MRC1: variants seen among roughly 807,000 people sequenced by gnomAD.
The protein encoded by MRC1 is macrophage mannose receptor 1.
In MRC1, 62 loss-of-function variants were observed where a neutral mutation model predicts 102.9. The observed-to-expected ratio is 0.60, with a 90% CI of 0.49 to 0.74. The LOEUF (loss-of-function observed/expected upper bound fraction) is 0.74, where lower values mean the gene tolerates loss of function less well. MRC1 is among the 30% of genes least tolerant of loss of function. The probability of loss-of-function intolerance (pLI) is 0.00; values close to 1 mark genes in which losing one functional copy is unlikely to be tolerated. For synonymous variants in MRC1, 457 were observed against 298.4 expected (o/e 1.53, Z -5.48); for missense variants, 1,237 against 862.8 (o/e 1.43, Z -5.43).
Position 17,889,179 on chromosome 10 carries a change from T to A in MRC1, c.3147+3744T>A, listed in dbSNP as rs1170526531. 2.6e-5 allele frequency among the ~76,000 whole-genome samples: 4 copies of A among 152,362 alleles called. No individual in the cohort carries two copies. In the East Asian group the frequency reaches 7.7e-4, roughly 29 times the overall value. ...TATCTTTATATTTAAAGTGAATTTCTTATACCAATATCTGAGTCTTTGTCT... is the reference window on the plus strand; with the variant it reads ...TATCTTTATATTTAAAGTGAATTTCATATACCAATATCTGAGTCTTTGTCT... On this transcript the variant is annotated intron_variant, in intron 22 of 29. Transcript: ENST00000569591.
chr10:17,811,864 A>T (rs1028242197), intron 1 of MRC1, among the ~76,000 whole-genome samples: 5 of 151,844 alleles, frequency 3.3e-5, no homozygotes, highest in African/African-American at 1.2e-4. Flanking sequence ...AGGATGATAG[A>T]TGTGAGCCAC....
intron 22 of MRC1, among the ~76,000 whole-genome samples, chr10:17,889,405 T>C (rs1330546043): frequency 1.3e-5 from 2 of 152,200 alleles, no homozygotes; most frequent in Non-Finnish European, 2.9e-5. Flanking sequence ...CCAATTATAC[T>C]TTAAGAAAGC....
At chr10:17,837,372 A>C (rs1838683118) in intron 4 of MRC1, among the ~76,000 whole-genome samples, 1 of 152,228 alleles carries the variant, frequency 6.6e-6, no homozygotes, top group African/African-American at 2.4e-5. Context: ...GAATTTAAAA[A>C]ATAGGGGAAA....
At chr10:17,816,928 G>T (rs1471141209) in intron 1 of MRC1, among the ~76,000 whole-genome samples, 9 of 152,080 alleles carry the variant, frequency 5.9e-5, no homozygotes, top group Non-Finnish European at 1.2e-4. Flanking sequence ...CTTGTTCAAT[G>T]TTGCGGCATA....
At chr10:17,817,247 CAAAAAAAAA>C (rs78486486) in intron 1 of MRC1, among the ~76,000 whole-genome samples, 3 of 89,264 alleles carry the variant, frequency 3.4e-5, no homozygotes, top group Admixed American at 1.2e-4. Context: ...GACTCTGTCT[CAAAAAAAAA>C]AAAAAAAAAA....
At chr10:17,909,571 T>C (rs924904043) in intron 29 of MRC1, among the ~76,000 whole-genome samples, 4 of 152,244 alleles carry the variant, frequency 2.6e-5, no homozygotes, top group Admixed American at 2.6e-4. Context: ...AGGCATTTTT[T>C]TTTTTCGCTC....
intron 18 of MRC1, among the ~76,000 whole-genome samples, 190 bp downstream of exon 18, chr10:17,878,157 C>G (rs1833462726): frequency 1.3e-5 from 2 of 152,242 alleles, no homozygotes; most frequent in East Asian, 1.9e-4. Flanking sequence ...AAATTCCAAA[C>G]AAACAACTCA....
At chr10:17,854,728 G>A in intron 8 of MRC1, 1 of 228,464 alleles carries the variant, frequency 4.4e-6, no homozygotes, top group Non-Finnish European at 8.8e-6. Flanking sequence ...TGCTCTTGCT[G>A]CCCAGGCTGG....
intron 4 of MRC1, among the ~76,000 whole-genome samples, chr10:17,837,995 G>T (rs1838695256): frequency 1.3e-5 from 2 of 151,860 alleles, no homozygotes; most frequent in Non-Finnish European, 2.9e-5. Flanking sequence ...ACTAGTTTCT[G>T]GGCTTTAGTT....
intron 1 of MRC1, among the ~76,000 whole-genome samples, chr10:17,819,525 G>A (rs561145825): frequency 6.2e-4 from 94 of 151,796 alleles, no homozygotes; most frequent in Middle Eastern, 3.4e-3. Context: ...TGGAGAGAGG[G>A]AGAGAGAGAG....
At chr10:17,820,277 T>C (rs1373838422) in intron 1 of MRC1, among the ~76,000 whole-genome samples, 2 of 152,076 alleles carry the variant, frequency 1.3e-5, no homozygotes, top group Admixed American at 6.5e-5. Context: ...ACTATTGCCT[T>C]AGGATGCAAA....
At chr10:17,904,052 C>T (rs1833865283) in intron 26 of MRC1, among the ~76,000 whole-genome samples, 1 of 152,184 alleles carries the variant, frequency 6.6e-6, no homozygotes, top group Non-Finnish European at 1.5e-5. Context: ...TTCCCTCTGC[C>T]TTCCTCTGTG....
intron 3 of MRC1, among the ~76,000 whole-genome samples, chr10:17,832,624 G>C (rs1207133844): frequency 6.7e-6 from 1 of 148,282 alleles, no homozygotes; most frequent in African/African-American, 2.6e-5. Context: ...GTCTCGCTCT[G>C]TCGCCCAGGC....
rs1452977971 is a variant in MRC1, at chr10:17,849,606, G to C, written c.1091G>C (p.Ser364Thr). Residue 364 changes from serine to threonine, a missense_variant, in exon 7 of 30, where the codon AGT (serine) becomes ACT (threonine). Physicochemically the swap from Ser to Thr is moderately conservative, Grantham distance 58. Coordinates refer to ENST00000569591, the MANE Select transcript of MRC1 (RefSeq NM_002438.4). ...SESDVPTHCP[S>T]QWWPYAGHCY... is the part of the protein sequence containing the mutation. ...AGTGATGTGCCTACTCACTGTCCTA[G>C]TCAGTGGTGGCCGTATGCCGGTCAC... 2 of 780,712 alleles carry C rather than the reference G, an allele frequency of 2.6e-6. No homozygotes were observed. The highest frequency in any genetic ancestry group is 1.7e-5 in the African/African-American group (1 of 59,052). 48.4% of individuals were successfully genotyped at this position (780,712 alleles called of 1,614,324 possible). A position where few individuals can be genotyped will look rare whatever the true frequency, so the allele number is the denominator to read the frequency against.
intron 9 of MRC1, among the ~76,000 whole-genome samples, chr10:17,859,825 A>G (rs1040260512): frequency 2.7e-4 from 41 of 152,206 alleles, no homozygotes; most frequent in Admixed American, 2.7e-3. Context: ...TGTGGATAGC[A>G]TAAACTTGGA....
intron 26 of MRC1, among the ~76,000 whole-genome samples, chr10:17,902,635 G>A (rs1184118638): frequency 4.6e-5 from 7 of 152,120 alleles, no homozygotes; most frequent in African/African-American, 7.2e-5. Context: ...GTTAAATCCC[G>A]TTAAATATTT....
intron 18 of MRC1, among the ~76,000 whole-genome samples, chr10:17,878,724 G>T (rs1833471284): frequency 6.6e-6 from 1 of 151,976 alleles, no homozygotes; most frequent in Non-Finnish European, 1.5e-5. Flanking sequence ...GTGCAGTGGG[G>T]TGATCACAGC....
chr10:17,889,318 T>A (rs971750929), intron 22 of MRC1, among the ~76,000 whole-genome samples: 7 of 152,342 alleles, frequency 4.6e-5, no homozygotes, highest in Admixed American at 3.9e-4. Context: ...CATTTTTTTG[T>A]CTTCCACTCT....
chr10:17,853,884 G>A (rs2130648923), intron 8 of MRC1, among the ~76,000 whole-genome samples: 1 of 152,260 alleles, frequency 6.6e-6, no homozygotes, highest in East Asian at 1.9e-4. Flanking sequence ...CTGTGTGACT[G>A]ACTCCTTTAT....
Sources: gnomAD v4.1 joint callset for allele counts (sites outside exome capture counted in the v4.1 genomes callset) on GRCh38, gnomAD v4.1.1 for gene constraint, MANE v1.5 for transcripts, NCBI Gene and HGNC (gene_info 2026-07-23, HGNC 2026-07-21) for gene names.